SLC14A2: variants seen among roughly 807,000 people sequenced by gnomAD.
The protein encoded by SLC14A2 is urea transporter 2.
SLC14A2 carries 91 observed loss-of-function variants against 104.6 expected under a neutral mutation model. The ratio of observed to expected loss-of-function variants is 0.87; its 90% confidence interval spans 0.73 to 1.04. The LOEUF (loss-of-function observed/expected upper bound fraction) is 1.04, where lower values mean the gene tolerates loss of function less well. SLC14A2 is among the 50% of genes least tolerant of loss of function. SLC14A2 has a pLI of 0.00. For synonymous variants in SLC14A2, 476 were observed against 466.4 expected (o/e 1.02, Z -0.27); for missense variants, 1,189 against 1,156.0 (o/e 1.03, Z -0.41).
intron 1 of SLC14A2, among the ~76,000 whole-genome samples, chr18:45,468,819 A>G (rs1051758112): frequency 2.6e-5 from 4 of 152,230 alleles, no homozygotes; most frequent in African/African-American, 9.6e-5. Flanking sequence ...AAAAGAATAT[A>G]TAATTGCTGA....
At chr18:45,595,946 T>A (rs907221777) in intron 2 of SLC14A2, among the ~76,000 whole-genome samples, 5 of 152,168 alleles carry the variant, frequency 3.3e-5, no homozygotes, top group African/African-American at 1.2e-4. Context: ...AGTGCAGAAA[T>A]GAGGTCACAG....
chr18:45,673,785 C>A lies in SLC14A2; in HGVS notation c.2480C>A (p.Thr827Asn). The A allele has an allele frequency of 1.9e-6, 3 of 1,614,194 alleles. No individual in the cohort carries two copies. Among genetic ancestry groups the A allele is most frequent in the East Asian group, 2.2e-5 (1 of 44,890 alleles). ...IAIGGMFYVI[T>N]WQTHLLAIAC... ...ATAGGAGGCATGTTCTACGTCATCACCTGGCAGACGCACCTCCTCGCCATC... is the reference window on the plus strand; with the variant it reads ...ATAGGAGGCATGTTCTACGTCATCAACTGGCAGACGCACCTCCTCGCCATC... The change falls in exon 18 of 20, where the codon ACC becomes AAC. Residue 827 changes from threonine to asparagine, a missense_variant. Transcript: ENST00000255226.
chr18:45,414,821 G>C (rs1482612551), intron 1 of SLC14A2, among the ~76,000 whole-genome samples: 2 of 129,770 alleles, frequency 1.5e-5, no homozygotes, highest in Non-Finnish European at 3.2e-5. Flanking sequence ...ATGCCCTCAA[G>C]GATCTCATAG....
At chr18:45,182,062 GTTTA>G in the SLC14A2 span, among the ~76,000 whole-genome samples, 6 of 146,242 alleles carry the variant, frequency 4.1e-5, no homozygotes, top group Admixed American at 2.7e-4. Context: ...ATATGTTTTT[GTTTA>G]TTAAGCAATA....
At chr18:45,382,523 T>C (rs2085850185) in intron 1 of SLC14A2, among the ~76,000 whole-genome samples, 1 of 152,238 alleles carries the variant, frequency 6.6e-6, no homozygotes, top group Non-Finnish European at 1.5e-5. Flanking sequence ...CTGACTCTTC[T>C]GTAGTACTTA....
chr18:45,398,038 A>G (rs919468236), intron 1 of SLC14A2, among the ~76,000 whole-genome samples: 4 of 152,196 alleles, frequency 2.6e-5, no homozygotes, highest in Non-Finnish European at 5.9e-5. Context: ...GGACAACTAT[A>G]AGCCAGGAAT....
intron 1 of SLC14A2, among the ~76,000 whole-genome samples, chr18:45,350,265 A>T (rs2085489516): frequency 6.6e-6 from 1 of 152,204 alleles, no homozygotes; most frequent in Non-Finnish European, 1.5e-5. Context: ...TCTGGATAAA[A>T]CCTCAGAATC....
At chr18:45,313,458 C>T (rs548991143) in intron 1 of SLC14A2, among the ~76,000 whole-genome samples, 2 of 152,190 alleles carry the variant, frequency 1.3e-5, no homozygotes, top group Non-Finnish European at 2.9e-5. Context: ...CCTCCCAGTA[C>T]TTTCTGCTAT....
chr18:45,174,350 C>G, the SLC14A2 span, among the ~76,000 whole-genome samples: 1 of 152,110 alleles, frequency 6.6e-6, no homozygotes, highest in Non-Finnish European at 1.5e-5. Context: ...AGGGTAATTC[C>G]TCCTCGACAA....
chr18:45,399,292 G>A (rs1415351096), intron 1 of SLC14A2, among the ~76,000 whole-genome samples: 1 of 152,194 alleles, frequency 6.6e-6, no homozygotes, highest in African/African-American at 2.4e-5. Context: ...AGGCAACTGG[G>A]CACATTCCCT....
At chr18:45,593,682 G>C (rs1368819673) in intron 2 of SLC14A2, among the ~76,000 whole-genome samples, 1 of 151,560 alleles carries the variant, frequency 6.6e-6, no homozygotes, top group Non-Finnish European at 1.5e-5. Flanking sequence ...GTAGAAACGG[G>C]GTTTCACCGT....
At chr18:45,209,153 G>A (rs1025006301), upstream of SLC14A2, among the ~76,000 whole-genome samples, 16 of 147,408 alleles carry the variant, frequency 1.1e-4, no homozygotes, top group African/African-American at 1.8e-4. Flanking sequence ...TGGCCAACAC[G>A]GTGAAACCCC....
intron 12 of SLC14A2, 81 bp from the exon 13 acceptor site, chr18:45,666,854 C>A: frequency 8.4e-7 from 1 of 1,190,976 alleles, no homozygotes; most frequent in Non-Finnish European, 1.2e-6. Context: ...CTTATTTGGT[C>A]CCTGAGTGAC....
intron 1 of SLC14A2, among the ~76,000 whole-genome samples, chr18:45,396,651 C>T (rs2086035875): frequency 1.4e-5 from 2 of 144,314 alleles, no homozygotes; most frequent in African/African-American, 2.6e-5. Context: ...TCTTTTTTCC[C>T]TCTTTTTTCC....
intron 1 of SLC14A2, among the ~76,000 whole-genome samples, chr18:45,230,547 C>T (rs2084164662): frequency 6.6e-6 from 1 of 152,120 alleles, no homozygotes; most frequent in African/African-American, 2.4e-5. Flanking sequence ...GCCACCCAGA[C>T]AAGTTAATCC....
chr18:45,457,987 C>T (rs1363903602), intron 1 of SLC14A2, among the ~76,000 whole-genome samples: 1 of 152,150 alleles, frequency 6.6e-6, no homozygotes, highest in Non-Finnish European at 1.5e-5. Flanking sequence ...GCTGCAGACA[C>T]ACACATGTGA....
intron 1 of SLC14A2, among the ~76,000 whole-genome samples, chr18:45,335,762 A>T (rs1171616702): frequency 1.3e-5 from 2 of 152,194 alleles, no homozygotes; most frequent in East Asian, 3.8e-4. Flanking sequence ...ACAGGTTCTG[A>T]GCTGCCAAGG....
chr18:45,567,055 A>AGTGT (rs3058364), intron 2 of SLC14A2, among the ~76,000 whole-genome samples: 21,265 of 139,592 alleles, frequency 0.15, 1,698 homozygotes, highest in Middle Eastern at 0.21. Context: ...ATGTGCACAT[A>AGTGT]GTGTGTGTGT....
At chr18:45,237,355 A>G (rs551306251) in intron 1 of SLC14A2, among the ~76,000 whole-genome samples, 28 of 152,324 alleles carry the variant, frequency 1.8e-4, no homozygotes, top group African/African-American at 6.7e-4. Flanking sequence ...TTACGTATAA[A>G]GATGAGGTGA....
Sources: allele counts gnomAD v4.1 joint callset (sites outside exome capture counted in the v4.1 genomes callset), GRCh38; gene constraint gnomAD v4.1.1; transcripts MANE v1.5; gene names NCBI Gene and HGNC (gene_info 2026-07-23, HGNC 2026-07-21).